UBE3A: variants seen among roughly 807,000 people sequenced by gnomAD.
The protein encoded by UBE3A is ubiquitin-protein ligase E3A.
In UBE3A, 6 loss-of-function variants were observed where a neutral mutation model predicts 83.4. The ratio of observed to expected loss-of-function variants is 0.07; its 90% CI spans 0.04 to 0.14. UBE3A has a LOEUF of 0.14. Among genes scored for constraint, UBE3A ranks in the 10% least tolerant of loss-of-function variants. The probability of loss-of-function intolerance (pLI) is 1.00; values close to 1 mark genes in which losing one functional copy is unlikely to be tolerated. For missense variants in UBE3A, 456 were observed against 1,036.1 expected, an observed-to-expected ratio of 0.44 and a Z score of 7.69; for synonymous variants, 337 against 355.4, an observed-to-expected ratio of 0.95 and a Z score of 0.58.
chr15:25,424,305 A>G (rs919672508), intron 1 of UBE3A, among the ~76,000 whole-genome samples: 1 of 152,012 alleles, frequency 6.6e-6, no homozygotes, highest in African/African-American at 2.4e-5. Context: ...TCTTCCCCCA[A>G]ATATCCACAT....
chr15:25,335,303 G>C lies in UBE3A; in HGVS notation c.*3834C>G, dbSNP rs1387986374. On this transcript the variant is annotated 3_prime_UTR_variant, in exon 13 of 13. Coordinates refer to ENST00000648336, the MANE Select transcript of UBE3A (RefSeq NM_130839.5). ...AGAAATATGACAAGTGAAGATGCTGGGTAGGAATGCAGCGAGGAAAGTGTG... is the reference window on the plus strand; with the variant it reads ...AGAAATATGACAAGTGAAGATGCTGCGTAGGAATGCAGCGAGGAAAGTGTG... 2.6e-5 allele frequency: 4 copies of C among 152,250 alleles called. No individual in the cohort carries two copies. The highest frequency in any genetic ancestry group is 6.5e-5 in the Admixed American group (1 of 15,278). The allele number at this position is 152,250 out of a possible 1,614,324, so 9.4% of individuals were successfully genotyped here. A position where few individuals can be genotyped will look rare whatever the true frequency, so the allele number is the denominator to read the frequency against.
chr15:25,374,853 G>GT (rs2080937255), intron 5 of UBE3A: 1 of 152,862 alleles, frequency 6.5e-6, no homozygotes, highest in African/African-American at 2.4e-5. Flanking sequence ...TGGAGTTTTA[G>GT]TATTAGCGAC....
intron 1 of UBE3A, among the ~76,000 whole-genome samples, chr15:25,426,909 C>G (rs1361292303): frequency 6.6e-6 from 1 of 151,844 alleles, no homozygotes; most frequent in African/African-American, 2.4e-5. Context: ...GCCTGGAACT[C>G]CAGGGTTCAA....
intron 4 of UBE3A, among the ~76,000 whole-genome samples, chr15:25,382,296 G>C (rs775756017): frequency 2.6e-5 from 4 of 151,704 alleles, no homozygotes; most frequent in Non-Finnish European, 5.9e-5. Context: ...ACTGTGGCCT[G>C]GGCAAAAGAG....
At chr15:25,367,232 T>C (rs889844133) in intron 6 of UBE3A, among the ~76,000 whole-genome samples, 5 of 73,536 alleles carry the variant, frequency 6.8e-5, no homozygotes, top group African/African-American at 3.8e-4. Flanking sequence ...TACATATTTG[T>C]AAATATGTAA....
In UBE3A at chr15:25,337,537, G is replaced by T. The variant is rs2074042018; in HGVS notation, c.*1600C>A. The T allele has an allele frequency of 6.6e-6, 1 of 151,976 alleles. No homozygotes were observed. Among genetic ancestry groups the T allele is most frequent in the South Asian group, 2.1e-4 (1 of 4,830 alleles). The allele number at this position is 151,976 out of a possible 1,614,324, so 9.4% of individuals were successfully genotyped here. A position where few individuals can be genotyped will look rare whatever the true frequency, so the allele number is the denominator to read the frequency against. On this transcript the variant is annotated 3_prime_UTR_variant, in exon 13 of 13. Transcript: ENST00000648336. Reference sequence around the variant, plus strand: ...TTAGCATTATGGTACATAACAAACAGTTCTGTCTCAATTATGAAAAAAATT... The same window carrying T: ...TTAGCATTATGGTACATAACAAACATTTCTGTCTCAATTATGAAAAAAATT...
At chr15:25,374,239 AGAG>A (rs1265130598) in intron 5 of UBE3A, 3 of 152,270 alleles carry the variant, frequency 2.0e-5, no homozygotes, top group Admixed American at 1.3e-4. Context: ...TTGAGCAAAA[AGAG>A]GAGGGGGCAT....
At position 25,334,446 on chromosome 15, in the gene UBE3A, AAC is replaced by A. The variant is rs1450999620; in HGVS notation, c.*4689_*4690del. 2.0e-5 allele frequency: 3 copies of A among 152,154 alleles called. No individual in the cohort carries two copies. The highest frequency in any genetic ancestry group is 4.4e-5 in the Non-Finnish European group (3 of 68,032). The allele number at this position is 152,154 out of a possible 1,614,324, so 9.4% of individuals were successfully genotyped here. On this transcript the variant is annotated 3_prime_UTR_variant, in exon 13 of 13. Transcript: ENST00000648336. The stretch of plus-strand genomic sequence containing the variant: ...GACATCCCACAGTCATGGAACAGAA[AAC>A]CTAACACCATTAAAATAGCAGTTAT...
chr15:25,349,477 A>C (rs1475935184), intron 11 of UBE3A, among the ~76,000 whole-genome samples: 1 of 137,996 alleles, frequency 7.2e-6, no homozygotes, highest in Non-Finnish European at 1.5e-5. Flanking sequence ...AATAATCATA[A>C]ACTACTTATC....
intron 1 of UBE3A, chr15:25,417,894 C>T (rs899724289): frequency 6.6e-6 from 1 of 151,346 alleles, no homozygotes; most frequent in South Asian, 2.1e-4. Flanking sequence ...TTAAGGAAAA[C>T]CATAAATGTA....
intron 1 of UBE3A, among the ~76,000 whole-genome samples, chr15:25,427,230 T>C (rs1213408558): frequency 2.0e-5 from 3 of 152,018 alleles, no homozygotes; most frequent in East Asian, 1.9e-4. Flanking sequence ...CTAATCTCAG[T>C]TGAGATAAAC....
At chr15:25,384,815 T>C (rs948756356) in intron 4 of UBE3A, among the ~76,000 whole-genome samples, 1 of 152,140 alleles carries the variant, frequency 6.6e-6, no homozygotes, top group Non-Finnish European at 1.5e-5. Context: ...TAAAGACAGA[T>C]ATACAGACCA....
chr15:25,411,211 A>C (rs928439054), intron 2 of UBE3A, among the ~76,000 whole-genome samples: 1 of 152,220 alleles, frequency 6.6e-6, no homozygotes, highest in Non-Finnish European at 1.5e-5. Flanking sequence ...TATAGGTAGA[A>C]CTAGGATAAT....
chr15:25,342,640 T>G (rs1338030759), intron 11 of UBE3A, among the ~76,000 whole-genome samples: 3 of 145,322 alleles, frequency 2.1e-5, no homozygotes, highest in South Asian at 4.4e-4. Context: ...AAGGGGAAAA[T>G]AAAAAAAAAA....
At position 25,377,889 on chromosome 15, in the gene UBE3A, A is replaced by G. The variant is rs370524533; in HGVS notation, c.63-2126T>C. Among the ~76,000 whole-genome samples, 832 of 152,314 alleles carry G rather than the reference A, an allele frequency of 5.5e-3. 4 individuals carry two copies. Among genetic ancestry groups the G allele is most frequent in the Non-Finnish European group, 9.1e-3 (622 of 68,002 alleles). On this transcript the variant is annotated intron_variant, in intron 4 of 12. Coordinates refer to ENST00000648336, the MANE Select transcript of UBE3A (RefSeq NM_130839.5). ...TCTTCCTGATATATCACTAACTGACAAAAGTCAGTTAAAAAGTAGCAGGTG... is the reference window on the plus strand; with the variant it reads ...TCTTCCTGATATATCACTAACTGACGAAAGTCAGTTAAAAAGTAGCAGGTG...
chr15:25,337,504 A>C lies in UBE3A; in HGVS notation c.*1633T>G, dbSNP rs575337784. 6.6e-6 allele frequency: 1 copy of C among 152,170 alleles called. No individual in the cohort carries two copies. Among genetic ancestry groups the C allele is most frequent in the Non-Finnish European group, 1.5e-5 (1 of 68,020 alleles). 9.4% of individuals were successfully genotyped at this position (152,170 alleles called of 1,614,324 possible). A position where few individuals can be genotyped will look rare whatever the true frequency, so the allele number is the denominator to read the frequency against. ...ATTAAATTATGGTGAAAAGTGCCAC[A>C]GTTTTATTTAGCATTATGGTACATA... On this transcript the variant is annotated 3_prime_UTR_variant, in exon 13 of 13. Transcript: ENST00000648336.
chr15:25,400,835 T>C (rs775816521), intron 4 of UBE3A, among the ~76,000 whole-genome samples: 4 of 152,226 alleles, frequency 2.6e-5, no homozygotes, highest in Non-Finnish European at 5.9e-5. Flanking sequence ...TCCGGTACTG[T>C]GCTGAATAGA....
chr15:25,358,878 T>C (rs2077606405), intron 7 of UBE3A, among the ~76,000 whole-genome samples: 1 of 152,222 alleles, frequency 6.6e-6, no homozygotes, highest in Non-Finnish European at 1.5e-5. Context: ...GTTATAAGTA[T>C]GGTATTAACA....
rs76050904 is a variant in UBE3A at position 25,339,689 on chromosome 15, A to G, written c.2498+396T>C. ...AAGTGTGTGCTCTTAAATGCTTATT[A>G]GAAACACTGCTGGCAATATGACTAA... On this transcript the variant is annotated intron_variant, in intron 12 of 12. Transcript: ENST00000648336. 372 of 315,210 alleles carry G rather than the reference A, an allele frequency of 1.2e-3. 3 individuals are homozygous for G. The highest frequency in any genetic ancestry group is 7.4e-3 in the African/African-American group (341 of 46,230). The allele number at this position is 315,210 out of a possible 1,614,324, so 19.5% of individuals were successfully genotyped here. A position where few individuals can be genotyped will look rare whatever the true frequency, so the allele number is the denominator to read the frequency against.
Sources: allele counts gnomAD v4.1 joint callset (sites outside exome capture counted in the v4.1 genomes callset), GRCh38; gene constraint gnomAD v4.1.1; transcripts MANE v1.5; gene names NCBI Gene and HGNC (gene_info 2026-07-23, HGNC 2026-07-21).